Variants in HDAC6 observed in about 807,000 individuals in gnomAD.
HDAC6 encodes the protein protein deacetylase HDAC6.
Under a neutral mutation model 88.9 loss-of-function variants are expected in HDAC6, and 5 were observed. The observed-to-expected ratio is 0.06, with a 90% CI of 0.03 to 0.12. The LOEUF (loss-of-function observed/expected upper bound fraction) is 0.12. Ranked by LOEUF, HDAC6 falls within the 10% of genes least tolerant of loss-of-function variation. The pLI is 1.00. For missense variants in HDAC6, 706 were observed against 1,014.4 expected (o/e 0.70, Z 4.13); for synonymous variants, 378 against 398.0 (o/e 0.95, Z 0.60).
At chrX:48,818,441 A>C (rs1285251359) in intron 22 of HDAC6, 29 bp downstream of exon 22, 1 of 1,111,871 alleles carries the variant, frequency 9.0e-7, no homozygotes, top group Non-Finnish European at 1.2e-6. Context: ...CGCAGGACGT[A>C]TGTGACACGC....
intron 10 of HDAC6, chrX:48,813,437 A>G (rs782015285): frequency 7.1e-5 from 8 of 111,941 alleles, no homozygotes; most frequent in Non-Finnish European, 1.3e-4. Context: ...CTACATTATC[A>G]ACCCATTAAA....
intron 19 of HDAC6, 97 bp downstream of exon 19, chrX:48,816,730 C>A: frequency 1.2e-6 from 1 of 808,618 alleles, no homozygotes; most frequent in Non-Finnish European, 1.7e-6. Flanking sequence ...TCAAGCAGGG[C>A]CTGAGGAAAG....
Position 48,805,469 on chromosome X carries a change from A to G in HDAC6, c.343A>G (p.Ile115Val), listed in dbSNP as rs1557023860. 2 of 1,207,931 alleles carry G rather than the reference A, an allele frequency of 1.7e-6. No individual in the cohort carries two copies. The highest frequency in any genetic ancestry group is 2.2e-6 in the Non-Finnish European group (2 of 893,876). The change falls in exon 5 of 29, where the codon ATC (isoleucine) becomes GTC (valine). Residue 115 changes from isoleucine to valine, a missense_variant. Around this residue, in one of 9 missense-constraint regions of HDAC6, gnomAD observed 193 missense variants for 258.2 expected, o/e 0.75. Transcript: ENST00000334136. ...GGAAGGCCCTGAGCGGCTCCATGCC[A>G]TCAAGGAGCAACTGATCCAGGAGGG... Reference protein sequence around the residue: ...FPEGPERLHAIKEQLIQEGLL... With the variant: ...FPEGPERLHAVKEQLIQEGLL...
At chrX:48,820,034 G>A (rs1416496628) in intron 22 of HDAC6, 72 bp from the exon 23 acceptor site, 9 of 1,029,781 alleles carry the variant, frequency 8.7e-6, no homozygotes, top group Non-Finnish European at 1.2e-5. Context: ...CATGTCTCTG[G>A]GTCGCCATCA....
At chrX:48,824,336 C>G (rs1401929539) in intron 28 of HDAC6, 42 bp downstream of exon 28, 2 of 1,186,577 alleles carry the variant, frequency 1.7e-6, no homozygotes, top group Admixed American at 2.3e-5. Flanking sequence ...ACACTCACCC[C>G]CCACACACAC....
chrX:48,820,287 G>A, intron 23 of HDAC6, 32 bp downstream of exon 23: 1 of 1,122,601 alleles, frequency 8.9e-7, no homozygotes, highest in Non-Finnish European at 1.2e-6. Context: ...TTCCCACAGT[G>A]GGAGGGTAGT....
chrX:48,823,648 C>A (rs374499408), intron 25 of HDAC6, 24 bp from the exon 26 acceptor site: 57 of 1,191,600 alleles, frequency 4.8e-5, no homozygotes, highest in African/African-American at 3.7e-4. Context: ...TTCTCTGATA[C>A]ATCTCTTACT....
rs782558876 is a variant in HDAC6 at position 48,816,170 on chromosome X, T to C, written c.1523T>C (p.Leu508Ser). The C allele has an allele frequency of 1.1e-4, 130 of 1,209,845 alleles. No individual in the cohort carries two copies. Among genetic ancestry groups the C allele is most frequent in the Admixed American group, 1.7e-4 (8 of 45,932 alleles). Residue 508 changes from leucine (L) to serine (S), a missense_variant, in exon 18 of 29, where the codon TTG becomes TCG. By Grantham distance (145) the Leu-to-Ser change is moderately radical. Transcript: ENST00000334136. ...SHHPEVPQRI[L>S]RIMCRLEELG... ...CACCCTGAGGTACCCCAGCGCATCT[T>C]GCGGATCATGTGCCGTCTGGAGGAG... is the stretch of plus-strand genomic sequence containing the variant.
intron 10 of HDAC6, 46 bp downstream of exon 10, chrX:48,808,372 C>T (rs782776085): frequency 2.0e-6 from 2 of 998,951 alleles, no homozygotes; most frequent in African/African-American, 1.9e-5. Flanking sequence ...AGCCACCTCC[C>T]ACCCTTACAG....
Position 48,805,674 on chromosome X carries a change from G to A in HDAC6, c.437+3G>A. ...GAAGAGCTGATGTTGGTTCACAGGT[G>A]AAGGCTTGGGAGCCTTGTAGGGATG... On this transcript the variant is annotated splice_donor_region_variant and intron_variant, in intron 6 of 28. Transcript: ENST00000334136. 1 of 1,164,664 alleles carries A rather than the reference G, an allele frequency of 8.6e-7. No homozygotes were observed. The highest frequency in any genetic ancestry group is 3.2e-5 in the East Asian group (1 of 31,290).
Position 48,823,678 on chromosome X carries a change from T to G in HDAC6, c.3196T>G (p.Ser1066Ala). The change falls in exon 26 of 29, where the codon TCA becomes GCA. Residue 1066 changes from serine (S) to alanine (A), a missense_variant. Around this residue, in one of 9 missense-constraint regions of HDAC6, gnomAD observed 112 missense variants for 95.1 expected, o/e 1.18. Coordinates refer to ENST00000334136, the MANE Select transcript of HDAC6 (RefSeq NM_006044.4). Reference sequence around the variant, plus strand: ...CTTACTTCTGCGTGTCCAGGGGGCCTCAGAATCTCAGGCCCCAGGAGAGGA... The same window carrying G: ...CTTACTTCTGCGTGTCCAGGGGGCCGCAGAATCTCAGGCCCCAGGAGAGGA... ...LELGSESQGA[S>A]ESQAPGEENL... is the part of the protein sequence containing the mutation. 8.3e-7 allele frequency: 1 copy of G among 1,205,625 alleles called. No homozygotes were observed. The highest frequency in any genetic ancestry group is 2.3e-4 in the Middle Eastern group (1 of 4,338).
chrX:48,820,366 T>G, intron 23 of HDAC6, 111 bp downstream of exon 23: 1 of 655,092 alleles, frequency 1.5e-6, no homozygotes, highest in Non-Finnish European at 2.3e-6. Context: ...TGCCTGGGAT[T>G]GTTGGCACAT....
At chrX:48,818,487 A>G (rs2063027655) in intron 22 of HDAC6, 75 bp downstream of exon 22, 6 of 874,258 alleles carry the variant, frequency 6.9e-6, no homozygotes, top group Non-Finnish European at 9.5e-6. Flanking sequence ...CCTCCTTGGC[A>G]TGTGTGTGTG....
Position 48,814,749 on chromosome X carries a change from G to A in HDAC6, c.999+9G>A, listed in dbSNP as rs147652236. On this transcript the variant is annotated intron_variant, in intron 12 of 28. Transcript: ENST00000334136. ...TGCCAGTCGCCCTCGAGGTCCTGGG[G>A]ATCTGGGGTGTGTTGGGAGGAGGAG... The A allele has an allele frequency of 2.3e-4, 280 of 1,209,410 alleles. 2 individuals are homozygous for A. The African/African-American group carries it at 4.2e-3, about 18-fold the overall frequency.
rs998004276 is a variant in HDAC6, at chrX:48,823,491, C to T, written c.3092C>T (p.Thr1031Ile). The change falls in exon 25 of 29, where the codon ACC (threonine) becomes ATC (isoleucine). Residue 1031 changes from threonine to isoleucine, a missense_variant. Coordinates refer to ENST00000334136, the MANE Select transcript of HDAC6 (RefSeq NM_006044.4). ...TPLASSTDHQ[T>I]PPTSPVQGTT... is the part of the protein sequence containing the mutation. ...CTAGCCTCGAGCACAGACCACCAGA[C>T]CCCCCCAACCTCACCTGTGCAGGGA... The T allele has an allele frequency of 8.3e-7, 1 of 1,209,062 alleles. No homozygotes were observed.
intron 10 of HDAC6, 90 bp from the exon 11 acceptor site, chrX:48,814,350 G>C: frequency 1.1e-6 from 1 of 928,810 alleles, no homozygotes; most frequent in Non-Finnish European, 1.5e-6. Flanking sequence ...GGGGAAATGA[G>C]TGGTAGAGGA....
intron 10 of HDAC6, among the ~76,000 whole-genome samples, chrX:48,808,536 G>C (rs1174571678): frequency 9.0e-6 from 1 of 111,715 alleles, no homozygotes; most frequent in African/African-American, 3.3e-5. Context: ...ACAGATAGGG[G>C]GACTGAGGCT....
Position 48,802,719 on chromosome X carries a change from C to T in HDAC6, c.27C>T (p.Thr9=), listed in dbSNP as rs1017706617. The change falls in exon 2 of 29, where the codon ACC becomes ACT. Residue 9 remains threonine (T), a synonymous_variant. Coordinates refer to ENST00000334136, the MANE Select transcript of HDAC6 (RefSeq NM_006044.4). MTSTGQDS[T]TTRQRRSRQN... is the part of the protein sequence containing the mutation. ...TGACCTCAACCGGCCAGGATTCCAC[C>T]ACAACCAGGCAGCGAAGAAGTAGGC... 7 of 1,208,588 alleles carry T rather than the reference C, an allele frequency of 5.8e-6. No individual in the cohort carries two copies. Among genetic ancestry groups the T allele is most frequent in the Non-Finnish European group, 7.8e-6 (7 of 893,936 alleles).
chrX:48,824,975 AACC>A, exon 29 of HDAC6: 1 of 997,385 alleles, frequency 1.0e-6, no homozygotes, highest in Non-Finnish European at 1.3e-6. Flanking sequence ...GCTGTTAAAA[AACC>A]TGGAGAAAGC....
Sources: gnomAD v4.1 joint callset for allele counts (sites outside exome capture counted in the v4.1 genomes callset) on GRCh38, gnomAD v4.1.1 for gene constraint, gnomAD v4.1.1 regional missense constraint, MANE v1.5 for transcripts, NCBI Gene and HGNC (gene_info 2026-07-23, HGNC 2026-07-21) for gene names.